Variants in SND1 observed in about 807,000 individuals in gnomAD.
SND1 encodes staphylococcal nuclease domain-containing protein 1.
A neutral mutation model predicts 121.7 loss-of-function variants in SND1; 38 were observed. That is an observed-to-expected ratio of 0.31 (90% CI 0.24 to 0.41). The LOEUF is 0.41. Among genes scored for constraint, SND1 ranks in the 10% least tolerant of loss-of-function variants. The probability of loss-of-function intolerance (pLI) is 1.00; values close to 1 mark genes in which losing one functional copy is unlikely to be tolerated. For synonymous variants in SND1, 401 were observed against 447.4 expected, an observed-to-expected ratio of 0.90 and a Z score of 1.31; for missense variants, 868 against 1,184.6, an observed-to-expected ratio of 0.73 and a Z score of 3.92.
chr7:128,012,855 T>C (rs904545625), intron 16 of SND1, among the ~76,000 whole-genome samples: 19 of 152,174 alleles, frequency 1.2e-4, no homozygotes, highest in Non-Finnish European at 2.4e-4. Flanking sequence ...CTATGAATAG[T>C]TTATGTTTTG....
At chr7:127,860,818 G>A (rs1241452271) in intron 12 of SND1, among the ~76,000 whole-genome samples, 1 of 152,074 alleles carries the variant, frequency 6.6e-6, no homozygotes, top group Admixed American at 6.6e-5. Flanking sequence ...AAATATTTGG[G>A]GTGATGAAAT....
At chr7:128,016,146 T>C (rs1240098863) in intron 16 of SND1, among the ~76,000 whole-genome samples, 1 of 136,264 alleles carries the variant, frequency 7.3e-6, no homozygotes, top group Non-Finnish European at 1.6e-5. Flanking sequence ...AACAACTTCC[T>C]TTTTTTTTTT....
At chr7:128,046,651 A>T (rs1792954366) in intron 16 of SND1, among the ~76,000 whole-genome samples, 1 of 152,000 alleles carries the variant, frequency 6.6e-6, no homozygotes, top group African/African-American at 2.4e-5. Context: ...GACGTGAGCC[A>T]CTGTGCCCTG....
chr7:127,826,036 C>A (rs969040522), intron 11 of SND1, among the ~76,000 whole-genome samples: 2 of 151,938 alleles, frequency 1.3e-5, no homozygotes, highest in African/African-American at 2.4e-5. Flanking sequence ...ACTAAAAATA[C>A]AAAAATTAGC....
intron 10 of SND1, among the ~76,000 whole-genome samples, chr7:127,768,818 CA>C (rs1797464950): frequency 2.0e-5 from 3 of 151,964 alleles, no homozygotes; most frequent in Non-Finnish European, 4.4e-5. Flanking sequence ...TCGTTTTATT[CA>C]AACTGAAGTG....
At chr7:127,996,655 G>A (rs1022211993) in intron 16 of SND1, among the ~76,000 whole-genome samples, 2 of 152,120 alleles carry the variant, frequency 1.3e-5, no homozygotes, top group Non-Finnish European at 2.9e-5. Flanking sequence ...TCTCCCTGAC[G>A]GCCATGTCGC....
At chr7:127,806,991 G>C (rs1391329195) in intron 10 of SND1, among the ~76,000 whole-genome samples, 1 of 151,998 alleles carries the variant, frequency 6.6e-6, no homozygotes, top group Non-Finnish European at 1.5e-5. Flanking sequence ...GCTTTGTGTT[G>C]CTATTTCATA....
chr7:127,911,613 C>T (rs1257183580), intron 14 of SND1, among the ~76,000 whole-genome samples: 2 of 152,126 alleles, frequency 1.3e-5, no homozygotes, highest in African/African-American at 4.8e-5. Context: ...CCTCTGCCTC[C>T]CAGGTTCAAG....
intron 10 of SND1, among the ~76,000 whole-genome samples, chr7:127,777,280 T>C (rs998485591): frequency 1.3e-5 from 2 of 152,204 alleles, no homozygotes; most frequent in African/African-American, 2.4e-5. Context: ...TGAAAAAACA[T>C]TGGTATTTTT....
At chr7:128,048,063 G>A (rs1480795201) in intron 16 of SND1, among the ~76,000 whole-genome samples, 3 of 151,986 alleles carry the variant, frequency 2.0e-5, no homozygotes, top group Non-Finnish European at 4.4e-5. Context: ...GGCCAGGCTG[G>A]TCTCGATCTC....
At chr7:127,760,613 T>C (rs10487497) in intron 10 of SND1, among the ~76,000 whole-genome samples, 44,178 of 152,150 alleles carry the variant, frequency 0.29, 7,823 homozygotes, top group East Asian at 0.7. Context: ...AGATTAGTTA[T>C]GAAGTTAATG....
At chr7:127,816,718 C>T (rs560717628) in intron 11 of SND1, among the ~76,000 whole-genome samples, 26 of 145,652 alleles carry the variant, frequency 1.8e-4, no homozygotes, top group Admixed American at 7.7e-4. Context: ...GGCTGGAGTG[C>T]AGTGATGCGA....
intron 16 of SND1, among the ~76,000 whole-genome samples, chr7:128,043,764 A>C (rs1404528905): frequency 3.3e-5 from 5 of 151,238 alleles, no homozygotes; most frequent in Admixed American, 6.6e-5. Context: ...ATATATCTTT[A>C]TATATGTATT....
chr7:127,829,267 G>A (rs915457591), intron 11 of SND1, among the ~76,000 whole-genome samples: 9 of 152,082 alleles, frequency 5.9e-5, no homozygotes, highest in Non-Finnish European at 1.3e-4. Context: ...CCTGAACAGT[G>A]GCTGTACTCT....
chr7:127,935,794 T>C (rs1018654310), intron 15 of SND1, among the ~76,000 whole-genome samples: 4 of 152,226 alleles, frequency 2.6e-5, no homozygotes, highest in African/African-American at 9.6e-5. Flanking sequence ...GAAATGTCTC[T>C]TTGCAGTAAG....
chr7:127,857,940 G>A lies in SND1; in HGVS notation c.1343+13516G>A, dbSNP rs1799311982. ...GGCAGTAAACACCATCAGGAAAGTA[G>A]CCTTCGCTCACCCAGGTCTGCATCT... On this transcript the variant is annotated intron_variant, in intron 12 of 23. Transcript: ENST00000354725. 1.5e-5 allele frequency: 21 copies of A among 1,355,102 alleles called. No individual in the cohort carries two copies. In the East Asian group the frequency reaches 4.6e-4, roughly 30 times the overall value. The allele number at this position is 1,355,102 out of a possible 1,614,324, so 83.9% of individuals were successfully genotyped here.
chr7:127,852,807 T>G (rs1352923790), intron 12 of SND1, among the ~76,000 whole-genome samples: 1 of 135,252 alleles, frequency 7.4e-6, no homozygotes, highest in Non-Finnish European at 1.7e-5. Context: ...CGAGACTTGG[T>G]CTCAAAAAAA....
chr7:127,945,518 G>C (rs1584686151), intron 15 of SND1, among the ~76,000 whole-genome samples: 1 of 151,900 alleles, frequency 6.6e-6, no homozygotes, highest in African/African-American at 2.4e-5. Context: ...TTTTTAGAAA[G>C]CAAAATAACC....
chr7:128,008,412 C>T (rs1006115289), intron 16 of SND1, among the ~76,000 whole-genome samples: 4 of 151,446 alleles, frequency 2.6e-5, no homozygotes, highest in South Asian at 4.2e-4. Context: ...CAGATAAGCC[C>T]GGAGGAAACC....
Sources: gnomAD v4.1 joint callset for allele counts (sites outside exome capture counted in the v4.1 genomes callset) on GRCh38, gnomAD v4.1.1 for gene constraint, MANE v1.5 for transcripts, NCBI Gene and HGNC (gene_info 2026-07-23, HGNC 2026-07-21) for gene names.